PRDM16: variants seen among roughly 807,000 people sequenced by gnomAD.
The protein encoded by PRDM16 is histone-lysine N-methyltransferase PRDM16.
In PRDM16, 23 loss-of-function variants were observed where a neutral mutation model predicts 110.6. The observed-to-expected ratio is 0.21, with a 90% CI of 0.15 to 0.29. The LOEUF (loss-of-function observed/expected upper bound fraction) is 0.29, where lower values mean the gene tolerates loss of function less well. Among genes scored for constraint, PRDM16 ranks in the 10% least tolerant of loss-of-function variants. The pLI is 1.00. For missense variants in PRDM16, 1,615 were observed against 1,794.3 expected, an observed-to-expected ratio of 0.90 and a Z score of 1.81; for synonymous variants, 799 against 781.8, an observed-to-expected ratio of 1.02 and a Z score of -0.37.
chr1:3,424,157 C>T (rs932956590), intron 12 of PRDM16, among the ~76,000 whole-genome samples: 2 of 152,238 alleles, frequency 1.3e-5, no homozygotes, highest in African/African-American at 4.8e-5. Flanking sequence ...AGGCAGCGCA[C>T]GTGCATCTAC....
Position 3,430,855 on chromosome 1 carries a change from C to T in PRDM16, c.3285-17C>T, listed in dbSNP as rs972635565. ...GAGACACCCAAACTCAGTCAATCTC[C>T]TCCTGCATCATTTCAGGGCGGACAT... On this transcript the variant is annotated splice_polypyrimidine_tract_variant and intron_variant, in intron 14 of 16. Transcript: ENST00000270722. 3 of 1,613,160 alleles carry T rather than the reference C, an allele frequency of 1.9e-6. No individual in the cohort carries two copies. Among genetic ancestry groups the T allele is most frequent in the African/African-American group, 1.3e-5 (1 of 74,922 alleles).
intron 1 of PRDM16, among the ~76,000 whole-genome samples, chr1:3,105,750 C>A (rs1642637569): frequency 6.6e-6 from 1 of 152,262 alleles, no homozygotes; most frequent in Non-Finnish European, 1.5e-5. Flanking sequence ...TAGCGCTCCG[C>A]TGGCCTCGCC....
chr1:3,355,841 C>T (rs554260412), intron 3 of PRDM16, among the ~76,000 whole-genome samples: 109 of 152,286 alleles, frequency 7.2e-4, no homozygotes, highest in African/African-American at 2.3e-3. Flanking sequence ...CAGTCCTGCC[C>T]GCCCAGCCTG....
At chr1:3,420,088 C>G (rs1409217159) in intron 12 of PRDM16, among the ~76,000 whole-genome samples, 1 of 152,188 alleles carries the variant, frequency 6.6e-6, no homozygotes, top group East Asian at 1.9e-4. Flanking sequence ...CCTAGAGGGT[C>G]GGGGTGGTGT....
intron 1 of PRDM16, among the ~76,000 whole-genome samples, chr1:3,176,502 C>G (rs1457059747): frequency 6.6e-6 from 1 of 151,296 alleles, no homozygotes; most frequent in Non-Finnish European, 1.5e-5. Context: ...ATCCATCCAC[C>G]CACCCATTGA....
At chr1:3,429,871 C>T (rs1386099842) in intron 14 of PRDM16, among the ~76,000 whole-genome samples, 1 of 152,216 alleles carries the variant, frequency 6.6e-6, no homozygotes, top group Non-Finnish European at 1.5e-5. Flanking sequence ...ACACGGAGGT[C>T]GGTCGCCGTG....
chr1:3,226,369 C>T (rs1056842028), intron 2 of PRDM16, among the ~76,000 whole-genome samples: 3 of 152,192 alleles, frequency 2.0e-5, no homozygotes, highest in Admixed American at 1.3e-4. Flanking sequence ...TTCGGGTGTG[C>T]GGTGAGGCTG....
intron 3 of PRDM16, among the ~76,000 whole-genome samples, chr1:3,379,134 ACACCCC>A (rs1643049805): frequency 2.5e-5 from 1 of 39,986 alleles, no homozygotes; most frequent in South Asian, 2.2e-3. Context: ...CCCTCCCAAC[ACACCCC>A]TCCCAGCACA....
intron 3 of PRDM16, among the ~76,000 whole-genome samples, chr1:3,326,021 C>T (rs1269571705): frequency 9.7e-6 from 1 of 103,386 alleles, no homozygotes; most frequent in Non-Finnish European, 1.9e-5. Flanking sequence ...CCTCGACCAT[C>T]CTTGGCCCTC....
intron 3 of PRDM16, among the ~76,000 whole-genome samples, chr1:3,289,048 G>A (rs934467498): frequency 6.6e-6 from 1 of 152,226 alleles, no homozygotes; most frequent in East Asian, 1.9e-4. Context: ...GCCCCTGGCC[G>A]AAGACCCCAA....
At position 3,190,434 on chromosome 1, in the gene PRDM16, C is replaced by T. The variant is rs903786904; in HGVS notation, c.387+3960C>T. Among the ~76,000 whole-genome samples the T allele has an allele frequency of 1.3e-5, 2 of 152,168 alleles. No homozygotes were observed. Among genetic ancestry groups the T allele is most frequent in the Non-Finnish European group, 2.9e-5 (2 of 68,020 alleles). Reference sequence around the variant, plus strand: ...GGCTGACGCTTTTGGGAGGGCCGCCCCCTCCTCTCTCCCTCCTGTGTGTTA... The same window carrying T: ...GGCTGACGCTTTTGGGAGGGCCGCCTCCTCCTCTCTCCCTCCTGTGTGTTA... On this transcript the variant is annotated intron_variant, in intron 2 of 16. Coordinates refer to ENST00000270722, the MANE Select transcript of PRDM16 (RefSeq NM_022114.4). This position sits in a 1 kb window ranked among gnomAD's most constrained non-coding sequence, Gnocchi z 5.0.
At chr1:3,324,433 C>T (rs981904553) in intron 3 of PRDM16, among the ~76,000 whole-genome samples, 1 of 152,252 alleles carries the variant, frequency 6.6e-6, no homozygotes, top group Non-Finnish European at 1.5e-5. Flanking sequence ...CCGCGATGCT[C>T]CTGGCTGGGC....
chr1:3,229,971 C>A (rs1031224864), intron 2 of PRDM16, among the ~76,000 whole-genome samples: 2 of 152,194 alleles, frequency 1.3e-5, no homozygotes. Context: ...GTGTCGGGAC[C>A]AAAAGCAGCT....
intron 1 of PRDM16, among the ~76,000 whole-genome samples, chr1:3,182,899 C>G (rs747581404): frequency 7.2e-5 from 11 of 152,188 alleles, no homozygotes; most frequent in Non-Finnish European, 1.5e-4. Flanking sequence ...TCCCTTCCAG[C>G]CAAGTCCACC....
intron 1 of PRDM16, among the ~76,000 whole-genome samples, chr1:3,180,999 CTTACACGCGGTCTTACAAATG>C (rs1644151154): frequency 3.5e-5 from 5 of 141,314 alleles, no homozygotes; most frequent in Admixed American, 7.0e-5. Flanking sequence ...TACACACGAT[CTTACACGCGGTCTTACAAATG>C]CGGTCTTACA....
chr1:3,297,450 A>T (rs896444962), intron 3 of PRDM16, among the ~76,000 whole-genome samples: 1 of 152,002 alleles, frequency 6.6e-6, no homozygotes, highest in African/African-American at 2.4e-5. Context: ...CACATGGCTA[A>T]TTTTTGTATC....
intron 12 of PRDM16, among the ~76,000 whole-genome samples, chr1:3,422,266 G>A (rs1638459771): frequency 6.6e-6 from 1 of 151,512 alleles, no homozygotes; most frequent in Non-Finnish European, 1.5e-5. Context: ...CAGACAGGCA[G>A]GTGGACAGAC....
intron 1 of PRDM16, among the ~76,000 whole-genome samples, chr1:3,138,821 A>C (rs753963380): frequency 6.6e-6 from 1 of 152,140 alleles, no homozygotes; most frequent in Non-Finnish European, 1.5e-5. Flanking sequence ...GCGCCCCTGC[A>C]TGAGGGCACA....
At chr1:3,415,790 G>C in intron 10 of PRDM16, among the ~76,000 whole-genome samples, 1 of 152,240 alleles carries the variant, frequency 6.6e-6, no homozygotes, top group East Asian at 1.9e-4. Flanking sequence ...GCCAGGAGGT[G>C]GGGGGCGGGA....
Sources: allele counts gnomAD v4.1 joint callset (sites outside exome capture counted in the v4.1 genomes callset), GRCh38; gene constraint gnomAD v4.1.1; non-coding constraint Gnocchi (gnomAD v3.1); transcripts MANE v1.5; gene names NCBI Gene and HGNC (gene_info 2026-07-23, HGNC 2026-07-21).